NEGR1: variants seen among roughly 807,000 people sequenced by gnomAD.
NEGR1 encodes neuronal growth regulator 1.
A neutral mutation model predicts 40.9 loss-of-function variants in NEGR1; 10 were observed. That is an observed-to-expected ratio of 0.24 (90% confidence interval 0.15 to 0.42). The LOEUF is 0.42. Ranked by LOEUF, NEGR1 falls within the 10% of genes least tolerant of loss-of-function variation. The pLI is 1.00. For missense variants in NEGR1, 352 were observed against 438.9 expected (o/e 0.80, Z 1.77); for synonymous variants, 185 against 166.8 (o/e 1.11, Z -0.84).
intron 1 of NEGR1, among the ~76,000 whole-genome samples, chr1:72,117,221 T>C (rs184025461): frequency 6.6e-6 from 1 of 151,942 alleles, no homozygotes; most frequent in Admixed American, 6.6e-5. Context: ...TCCCGCAATA[T>C]ATTATTTATG....
chr1:71,729,027 AC>A lies in NEGR1; in HGVS notation c.536-30889del, dbSNP rs1200627840. 2.0e-5 allele frequency among the ~76,000 whole-genome samples: 3 copies of A among 152,154 alleles called. No homozygotes were observed. The East Asian group carries it at 5.8e-4, about 29-fold the overall frequency. ...AACTTTTTTTTTACCACGGCTTAAA[AC>A]TTTTTTGTGATCTGGCCAGTTCTGT... On this transcript the variant is annotated intron_variant, in intron 3 of 6. Coordinates refer to ENST00000357731, the MANE Select transcript of NEGR1 (RefSeq NM_173808.3).
intron 4 of NEGR1, among the ~76,000 whole-genome samples, chr1:71,615,183 G>T: frequency 6.6e-6 from 1 of 151,968 alleles, no homozygotes; most frequent in East Asian, 1.9e-4. Context: ...ATATTACTGT[G>T]CATCTTTTGG....
intron 6 of NEGR1, among the ~76,000 whole-genome samples, chr1:71,533,839 A>AT (rs1195869315): frequency 6.6e-6 from 1 of 151,608 alleles, no homozygotes; most frequent in East Asian, 2.0e-4. Context: ...GATATTAACA[A>AT]TTTTTCATAA....
chr1:71,602,686 T>C (rs1333732132), intron 5 of NEGR1, among the ~76,000 whole-genome samples: 1 of 152,228 alleles, frequency 6.6e-6, no homozygotes, highest in Non-Finnish European at 1.5e-5. Context: ...ACTGTGCACT[T>C]TCACAGGTCT....
chr1:72,094,803 T>G (rs1416756933), intron 1 of NEGR1, among the ~76,000 whole-genome samples: 4 of 152,164 alleles, frequency 2.6e-5, no homozygotes, highest in African/African-American at 9.7e-5. Flanking sequence ...TAACACTAAT[T>G]ACAGTGAGTG....
At chr1:71,424,085 GA>G (rs11448331) in intron 6 of NEGR1, among the ~76,000 whole-genome samples, 12 of 147,060 alleles carry the variant, frequency 8.2e-5, no homozygotes, top group African/African-American at 1.7e-4. Context: ...GGACTTTAAA[GA>G]AAAAAAAAAA....
intron 1 of NEGR1, among the ~76,000 whole-genome samples, chr1:72,174,881 T>G (rs553199836): frequency 2.0e-5 from 3 of 152,152 alleles, no homozygotes; most frequent in Non-Finnish European, 4.4e-5. Context: ...AGTCAAGTGT[T>G]CACTCAGCTT....
intron 6 of NEGR1, among the ~76,000 whole-genome samples, chr1:71,527,078 T>C (rs1647225644): frequency 1.3e-5 from 2 of 151,608 alleles, no homozygotes. Context: ...CATATCTGAG[T>C]TTGAAGAGTG....
intron 1 of NEGR1, among the ~76,000 whole-genome samples, chr1:72,137,477 C>T (rs537323616): frequency 2.7e-5 from 4 of 150,678 alleles, no homozygotes; most frequent in Non-Finnish European, 5.9e-5. Flanking sequence ...CCATCATTCT[C>T]AGCAAAGTAA....
chr1:71,435,827 G>A (rs942997587), intron 6 of NEGR1, among the ~76,000 whole-genome samples: 2 of 152,146 alleles, frequency 1.3e-5, no homozygotes, highest in African/African-American at 4.8e-5. Context: ...TGCCCATAAG[G>A]AACTACTTTT....
At chr1:71,758,925 A>C (rs1655837049) in intron 3 of NEGR1, among the ~76,000 whole-genome samples, 1 of 152,202 alleles carries the variant, frequency 6.6e-6, no homozygotes, top group African/African-American at 2.4e-5. Context: ...GAGAGCAATC[A>C]AATTATACCT....
intron 1 of NEGR1, among the ~76,000 whole-genome samples, chr1:72,054,354 C>T (rs1647091346): frequency 6.6e-6 from 1 of 151,384 alleles, no homozygotes; most frequent in Non-Finnish European, 1.5e-5. Context: ...TTCTATCTCT[C>T]TTTCCTTTGA....
intron 1 of NEGR1, among the ~76,000 whole-genome samples, chr1:72,105,807 C>T (rs1203639412): frequency 1.3e-5 from 2 of 151,876 alleles, no homozygotes; most frequent in Admixed American, 1.3e-4. Context: ...AAGGGAAATA[C>T]TAAGCAAGTT....
intron 6 of NEGR1, among the ~76,000 whole-genome samples, chr1:71,504,192 TA>T (rs1375221348): frequency 6.6e-6 from 1 of 151,966 alleles, no homozygotes; most frequent in East Asian, 1.9e-4. Context: ...GTTAACTTTG[TA>T]ACTAAGAGCT....
chr1:71,456,575 AT>A (rs1363318183), intron 6 of NEGR1, among the ~76,000 whole-genome samples: 1 of 152,090 alleles, frequency 6.6e-6, no homozygotes. Context: ...TACTTTAATC[AT>A]TTTTTTCTTC....
chr1:72,096,532 T>C (rs1648703936), intron 1 of NEGR1, among the ~76,000 whole-genome samples: 2 of 149,854 alleles, frequency 1.3e-5, no homozygotes, highest in African/African-American at 4.8e-5. Context: ...CAGAAAATCA[T>C]AGTCACTGAA....
At chr1:71,627,661 C>T (rs765667897) in intron 4 of NEGR1, among the ~76,000 whole-genome samples, 5 of 152,014 alleles carry the variant, frequency 3.3e-5, no homozygotes, top group Non-Finnish European at 7.4e-5. Context: ...CTAAGAAAGA[C>T]TCTTCATGTA....
chr1:72,225,583 T>A (rs528812812), intron 1 of NEGR1, among the ~76,000 whole-genome samples: 16 of 151,566 alleles, frequency 1.1e-4, no homozygotes, highest in African/African-American at 3.9e-4. Context: ...CTAAGAAAAA[T>A]ATATATTTAA....
At chr1:72,173,246 A>T (rs2630434) in intron 1 of NEGR1, among the ~76,000 whole-genome samples, 1 of 146,936 alleles carries the variant, frequency 6.8e-6, no homozygotes, top group Admixed American at 7.0e-5. Flanking sequence ...GAGTTCAAGC[A>T]ATCTGCTAGC....
Sources: gnomAD v4.1 joint callset for allele counts (sites outside exome capture counted in the v4.1 genomes callset) on GRCh38, gnomAD v4.1.1 for gene constraint, MANE v1.5 for transcripts, NCBI Gene and HGNC (gene_info 2026-07-23, HGNC 2026-07-21) for gene names.